Variants in PKN2 observed in about 807,000 individuals in gnomAD.
PKN2 encodes the protein serine/threonine-protein kinase N2.
Under a neutral mutation model 119.1 loss-of-function variants are expected in PKN2, and 38 were observed. That is an observed-to-expected ratio of 0.32 (90% CI 0.25 to 0.42). PKN2 has a LOEUF of 0.42. PKN2 is among the 10% of genes least tolerant of loss of function. The pLI is 1.00. For missense variants in PKN2, 850 were observed against 1,165.1 expected, an observed-to-expected ratio of 0.73 and a Z score of 3.94; for synonymous variants, 390 against 384.9, an observed-to-expected ratio of 1.01 and a Z score of -0.15.
intron 8 of PKN2, among the ~76,000 whole-genome samples, chr1:88,800,965 C>T (rs1032492669): frequency 1.3e-5 from 2 of 152,158 alleles, no homozygotes; most frequent in African/African-American, 4.8e-5. Context: ...GGTAGTTTTA[C>T]TCCGTCTAGA....
At chr1:88,693,657 G>A (rs1054287571) in intron 1 of PKN2, among the ~76,000 whole-genome samples, 3 of 152,170 alleles carry the variant, frequency 2.0e-5, no homozygotes, top group Non-Finnish European at 4.4e-5. Context: ...GCTGCAGTGA[G>A]CTGGAATCGT....
intron 6 of PKN2, among the ~76,000 whole-genome samples, chr1:88,782,939 C>T (rs1403247113): frequency 6.6e-6 from 1 of 152,128 alleles, no homozygotes; most frequent in Non-Finnish European, 1.5e-5. Flanking sequence ...TACTTGGAAA[C>T]AATATGACCC....
At chr1:88,809,444 A>G (rs1488909087) in intron 15 of PKN2, among the ~76,000 whole-genome samples, 2 of 152,226 alleles carry the variant, frequency 1.3e-5, no homozygotes, top group Non-Finnish European at 2.9e-5. Context: ...TTTATTTTCT[A>G]AAATAATAGG....
At chr1:88,754,402 A>C (rs780163408) in intron 2 of PKN2, among the ~76,000 whole-genome samples, 1 of 152,208 alleles carries the variant, frequency 6.6e-6, no homozygotes, top group Non-Finnish European at 1.5e-5. Context: ...GGAAAAACAG[A>C]TGTGAAAACA....
At chr1:88,772,457 G>C (rs1669935220) in intron 6 of PKN2, among the ~76,000 whole-genome samples, 1 of 152,188 alleles carries the variant, frequency 6.6e-6, no homozygotes, top group Admixed American at 6.6e-5. Flanking sequence ...CAGATTTCCA[G>C]ATTAGGGATG....
At chr1:88,713,494 T>C (rs1297342338) in intron 1 of PKN2, among the ~76,000 whole-genome samples, 1 of 152,206 alleles carries the variant, frequency 6.6e-6, no homozygotes, top group African/African-American at 2.4e-5. Flanking sequence ...TGGTATCTCA[T>C]TGTGGTTTTG....
At chr1:88,700,234 T>C (rs1666722283) in intron 1 of PKN2, among the ~76,000 whole-genome samples, 1 of 152,134 alleles carries the variant, frequency 6.6e-6, no homozygotes, top group Non-Finnish European at 1.5e-5. Context: ...ATCTTTGTAA[T>C]AGAACCATTT....
At chr1:88,787,290 T>C (rs1670619112) in intron 8 of PKN2, among the ~76,000 whole-genome samples, 1 of 152,120 alleles carries the variant, frequency 6.6e-6, no homozygotes, top group Non-Finnish European at 1.5e-5. Flanking sequence ...TACTGAGTAA[T>C]ATCAAAATGA....
intron 15 of PKN2, 124 bp from the exon 16 acceptor site, chr1:88,813,433 A>G (rs1671858765): frequency 3.3e-6 from 2 of 602,494 alleles, no homozygotes; most frequent in Non-Finnish European, 5.5e-6. Context: ...ACTAAGACAC[A>G]TGTTAGGATT....
In PKN2 at chr1:88,748,336, G is replaced by T. The variant is rs961729849; in HGVS notation, c.349+7048G>T. Among the ~76,000 whole-genome samples, 12 of 152,224 alleles carry T rather than the reference G, an allele frequency of 7.9e-5. No individual in the cohort carries two copies. The East Asian group carries it at 2.3e-3, about 29-fold the overall frequency. On this transcript the variant is annotated intron_variant, in intron 2 of 21. Transcript: ENST00000370521. ...TCTTTTGAAGAATGCCATGTACATAGAATTATAAAGTATATAAGTTTTTGA... is the reference window on the plus strand; with the variant it reads ...TCTTTTGAAGAATGCCATGTACATATAATTATAAAGTATATAAGTTTTTGA...
At chr1:88,759,043 G>C (rs1000643492) in intron 2 of PKN2, among the ~76,000 whole-genome samples, 4 of 152,194 alleles carry the variant, frequency 2.6e-5, no homozygotes, top group African/African-American at 9.6e-5. Flanking sequence ...ATTCTCGCTA[G>C]CCTCTGTTAT....
chr1:88,686,108 G>T (rs555950562), intron 1 of PKN2, among the ~76,000 whole-genome samples: 1 of 152,262 alleles, frequency 6.6e-6, no homozygotes, highest in Admixed American at 6.5e-5. Flanking sequence ...TTTGCTAAAT[G>T]AATGGAATTT....
Position 88,833,412 on chromosome 1 carries a change from G to A in PKN2, c.2919G>A (p.Met973Ile). 5 of 1,613,308 alleles carry A rather than the reference G, an allele frequency of 3.1e-6. No individual in the cohort carries two copies. Among genetic ancestry groups the A allele is most frequent in the Non-Finnish European group, 3.4e-6 (4 of 1,179,408 alleles). ...TACTTTCGGAAGAGGAGCAGGAAAT[G>A]TTCAGAGATTTTGACTACATTGCTG... ...PRILSEEEQE[M>I]FRDFDYIADW... Residue 973 changes from methionine to isoleucine, a missense_variant, in exon 22 of 22, where the codon ATG becomes ATA. Met to Ile is a conservative substitution (Grantham distance 10). Around this residue, in one of 9 missense-constraint regions of PKN2, gnomAD observed 52 missense variants for 39.9 expected, o/e 1.30. Coordinates refer to ENST00000370521, the MANE Select transcript of PKN2 (RefSeq NM_006256.4).
chr1:88,770,732 T>A (rs55646230), intron 4 of PKN2, among the ~76,000 whole-genome samples: 1 of 150,544 alleles, frequency 6.6e-6, no homozygotes, highest in Non-Finnish European at 1.5e-5. Flanking sequence ...ACTACAGGCG[T>A]CCGCCACTAC....
At position 88,771,786 on chromosome 1, in the gene PKN2, C is replaced by G; in HGVS notation, c.892C>G (p.Leu298Val). The G allele has an allele frequency of 6.2e-7, 1 of 1,613,908 alleles. No individual in the cohort carries two copies. Among genetic ancestry groups the G allele is most frequent in the South Asian group, 1.1e-5 (1 of 91,080 alleles). ...KSRIIIEELS[L>V]VAASPTLSPR... ...CAGGATTATTATTGAAGAACTTTCA[C>G]TTGTTGCTGCATCACCAACACTAAG... Residue 298 changes from leucine (L) to valine (V), a missense_variant, in exon 6 of 22, where the codon CTT becomes GTT. By Grantham distance (32) the Leu-to-Val change is conservative (BLOSUM62 1). Coordinates refer to ENST00000370521, the MANE Select transcript of PKN2 (RefSeq NM_006256.4).
At chr1:88,743,736 C>G (rs1356602273) in intron 2 of PKN2, among the ~76,000 whole-genome samples, 1 of 152,106 alleles carries the variant, frequency 6.6e-6, no homozygotes, top group Non-Finnish European at 1.5e-5. Flanking sequence ...AATAGAAAAA[C>G]ACCCAGCAAA....
At chr1:88,699,191 A>G (rs1246635274) in intron 1 of PKN2, among the ~76,000 whole-genome samples, 1 of 151,750 alleles carries the variant, frequency 6.6e-6, no homozygotes, top group Admixed American at 6.6e-5. Flanking sequence ...ACTGTTTTCT[A>G]TGTCTTTAAA....
At chr1:88,821,876 A>G (rs915950724) in intron 16 of PKN2, 65 bp from the exon 17 acceptor site, 13 of 1,252,550 alleles carry the variant, frequency 1.0e-5, no homozygotes, top group Middle Eastern at 2.0e-4. Context: ...AAGTATAAAC[A>G]TATAAGCTGG....
At chr1:88,832,876 A>AT in intron 20 of PKN2, 25 bp downstream of exon 20, 2 of 1,399,668 alleles carry the variant, frequency 1.4e-6, no homozygotes, top group South Asian at 1.3e-5. Context: ...AAGGATAAGA[A>AT]TTTTTTAAAG....
Sources: gnomAD v4.1 joint callset for allele counts (sites outside exome capture counted in the v4.1 genomes callset) on GRCh38, gnomAD v4.1.1 for gene constraint, gnomAD v4.1.1 regional missense constraint, MANE v1.5 for transcripts, NCBI Gene and HGNC (gene_info 2026-07-23, HGNC 2026-07-21) for gene names.